PTPRT: variants seen among roughly 807,000 people sequenced by gnomAD.
PTPRT encodes protein tyrosine phosphatase receptor type T.
In PTPRT, 56 loss-of-function variants were observed where a neutral mutation model predicts 176.8. The observed-to-expected ratio is 0.32, with a 90% CI of 0.26 to 0.40. The LOEUF is 0.40. PTPRT is among the 10% of genes least tolerant of loss of function. The pLI is 1.00. For missense variants in PTPRT, 1,540 were observed against 1,908.2 expected, an observed-to-expected ratio of 0.81 and a Z score of 3.60; for synonymous variants, 783 against 739.0, an observed-to-expected ratio of 1.06 and a Z score of -0.96.
At chr20:42,091,809 GGAGA>G (rs144848809) in intron 27 of PTPRT, among the ~76,000 whole-genome samples, 1 of 151,808 alleles carries the variant, frequency 6.6e-6, no homozygotes, top group South Asian at 2.1e-4. Flanking sequence ...GAGAGAGGGG[GGAGA>G]GAGAGAGAGA....
chr20:43,043,513 G>A (rs1378347997), intron 1 of PTPRT, among the ~76,000 whole-genome samples: 1 of 152,160 alleles, frequency 6.6e-6, no homozygotes, highest in African/African-American at 2.4e-5. Flanking sequence ...AGATTTGAAT[G>A]TTGACCCTGT....
intron 9 of PTPRT, among the ~76,000 whole-genome samples, chr20:42,372,242 G>A (rs6072706): frequency 0.34 from 51,179 of 150,550 alleles, 8,964 homozygotes; most frequent in East Asian, 0.61. Context: ...CTGGACTGGA[G>A]AGTGACTGTT....
rs140441471 is a variant in PTPRT at position 42,200,793 on chromosome 20, G to A, written c.2343-1405C>T. Reference sequence around the variant, plus strand: ...ATAGGTTAAACATCAGATATCTTGAGAGTAAATTTCTCCAAGTCTCTTACT... The same window carrying A: ...ATAGGTTAAACATCAGATATCTTGAAAGTAAATTTCTCCAAGTCTCTTACT... On this transcript the variant is annotated intron_variant, in intron 15 of 30. Transcript: ENST00000373187. Among the ~76,000 whole-genome samples the A allele has an allele frequency of 1.2e-3, 185 of 152,256 alleles. 1 individual carries two copies. The highest frequency in any genetic ancestry group is 4.2e-3 in the African/African-American group (175 of 41,552).
At chr20:42,364,327 A>G (rs2058485120) in intron 9 of PTPRT, among the ~76,000 whole-genome samples, 1 of 152,178 alleles carries the variant, frequency 6.6e-6, no homozygotes, top group Admixed American at 6.5e-5. Flanking sequence ...TTAAAATAGA[A>G]TTGATTTTCT....
rs140837215 is a variant in PTPRT, at chr20:42,323,645, A to T, written c.1866-7649T>A. Reference sequence around the variant, plus strand: ...GGGAGAGGGGAGGGATAGCATTAGGAGATACACCTAATGCTAAATGACGAG... The same window carrying T: ...GGGAGAGGGGAGGGATAGCATTAGGTGATACACCTAATGCTAAATGACGAG... On this transcript the variant is annotated intron_variant, in intron 11 of 30. Transcript: ENST00000373187. Among the ~76,000 whole-genome samples the T allele has an allele frequency of 5.9e-3, 898 of 152,238 alleles. 12 individuals are homozygous for T. The highest frequency in any genetic ancestry group is 0.02 in the African/African-American group (846 of 41,536).
At chr20:42,190,640 G>A (rs973651927) in intron 16 of PTPRT, among the ~76,000 whole-genome samples, 5 of 152,174 alleles carry the variant, frequency 3.3e-5, no homozygotes, top group African/African-American at 1.2e-4. Context: ...TAACCCTAGA[G>A]TTTTGGGTTC....
At chr20:42,185,210 T>C (rs963549407) in intron 16 of PTPRT, among the ~76,000 whole-genome samples, 1 of 152,170 alleles carries the variant, frequency 6.6e-6, no homozygotes, top group East Asian at 1.9e-4. Flanking sequence ...AGAATACTGT[T>C]GTCCCCATGG....
chr20:42,956,362 C>G (rs1981635268), intron 1 of PTPRT, among the ~76,000 whole-genome samples: 1 of 152,066 alleles, frequency 6.6e-6, no homozygotes, highest in Admixed American at 6.6e-5. Context: ...CTCACAAGAT[C>G]CAGTTGTTTG....
At chr20:43,133,747 C>CAAAA (rs11366438) in intron 1 of PTPRT, among the ~76,000 whole-genome samples, 7 of 124,890 alleles carry the variant, frequency 5.6e-5, no homozygotes, top group Non-Finnish European at 3.4e-5. Context: ...GACTCTGTCT[C>CAAAA]AAAAAAAAAA....
chr20:42,175,661 T>C (rs1990261181), intron 16 of PTPRT, among the ~76,000 whole-genome samples: 1 of 145,684 alleles, frequency 6.9e-6, no homozygotes, highest in Non-Finnish European at 1.5e-5. Flanking sequence ...TGTGTTTTTT[T>C]GCAAGTAAAT....
intron 9 of PTPRT, among the ~76,000 whole-genome samples, chr20:42,394,615 C>T (rs2058831717): frequency 6.6e-6 from 1 of 152,114 alleles, no homozygotes; most frequent in Non-Finnish European, 1.5e-5. Context: ...TGATTGGATA[C>T]CTTGTTATAT....
At chr20:42,597,336 A>G (rs969595511) in intron 7 of PTPRT, among the ~76,000 whole-genome samples, 1 of 152,184 alleles carries the variant, frequency 6.6e-6, no homozygotes, top group Non-Finnish European at 1.5e-5. Context: ...TTTACCATAT[A>G]TTGAAACATA....
intron 7 of PTPRT, among the ~76,000 whole-genome samples, chr20:42,553,053 A>G (rs1173174921): frequency 6.6e-6 from 1 of 152,122 alleles, no homozygotes; most frequent in Non-Finnish European, 1.5e-5. Context: ...CAAAATGTGA[A>G]TAAGTTTTCA....
intron 2 of PTPRT, among the ~76,000 whole-genome samples, chr20:42,813,028 T>C (rs1369249553): frequency 6.6e-6 from 1 of 152,224 alleles, no homozygotes; most frequent in Non-Finnish European, 1.5e-5. Context: ...CTCTATTTCA[T>C]CTGTATTCAT....
chr20:43,098,411 A>T (rs1268847133), intron 1 of PTPRT, among the ~76,000 whole-genome samples: 2 of 152,208 alleles, frequency 1.3e-5, no homozygotes, highest in African/African-American at 2.4e-5. Flanking sequence ...TTTGTACATT[A>T]GGAATATTCA....
At chr20:42,122,910 C>G (rs1195693796) in intron 19 of PTPRT, among the ~76,000 whole-genome samples, 1 of 152,244 alleles carries the variant, frequency 6.6e-6, no homozygotes, top group Non-Finnish European at 1.5e-5. Flanking sequence ...TGTGCTTCAG[C>G]CTCACCAAGC....
At chr20:42,704,735 C>T (rs898681429) in intron 6 of PTPRT, among the ~76,000 whole-genome samples, 1 of 152,128 alleles carries the variant, frequency 6.6e-6, no homozygotes, top group Non-Finnish European at 1.5e-5. Context: ...TCACACCGAA[C>T]TGTAATTATG....
chr20:43,144,583 T>G (rs1399241363), intron 1 of PTPRT, among the ~76,000 whole-genome samples: 2 of 152,144 alleles, frequency 1.3e-5, no homozygotes, highest in Admixed American at 1.3e-4. Flanking sequence ...AAAAGTGATG[T>G]ATGAGTCAAT....
At chr20:42,165,755 T>A (rs909054663) in intron 16 of PTPRT, among the ~76,000 whole-genome samples, 1 of 152,228 alleles carries the variant, frequency 6.6e-6, no homozygotes, top group African/African-American at 2.4e-5. Flanking sequence ...GTCTACTATA[T>A]TGGGCAGTGC....
Sources: gnomAD v4.1 joint callset for allele counts (sites outside exome capture counted in the v4.1 genomes callset) on GRCh38, gnomAD v4.1.1 for gene constraint, MANE v1.5 for transcripts, NCBI Gene and HGNC (gene_info 2026-07-23, HGNC 2026-07-21) for gene names.